ANO10: variants seen among roughly 807,000 people sequenced by gnomAD.
ANO10 encodes the protein anoctamin-10.
Under a neutral mutation model 74.7 loss-of-function variants are expected in ANO10, and 77 were observed. The ratio of observed to expected loss-of-function variants is 1.03; its 90% CI spans 0.86 to 1.25. ANO10 has a LOEUF of 1.25. ANO10 is among the 50% of genes most tolerant of loss of function. ANO10 has a pLI of 0.00. For missense variants in ANO10, 721 were observed against 778.1 expected (o/e 0.93, Z 0.87); for synonymous variants, 279 against 284.9 (o/e 0.98, Z 0.21).
intron 7 of ANO10, among the ~76,000 whole-genome samples, chr3:43,566,776 C>T (rs935790000): frequency 1.5e-4 from 23 of 152,322 alleles, no homozygotes; most frequent in Middle Eastern, 6.8e-3. Flanking sequence ...AAAAGCAGAG[C>T]GCCTCTCCTC....
chr3:43,514,116 T>C (rs2077617997), intron 11 of ANO10, among the ~76,000 whole-genome samples: 1 of 151,566 alleles, frequency 6.6e-6, no homozygotes, highest in South Asian at 2.1e-4. Flanking sequence ...AACACATAAA[T>C]AGCAATATGA....
At chr3:43,656,223 T>G (rs988690973) in intron 1 of ANO10, among the ~76,000 whole-genome samples, 3 of 151,972 alleles carry the variant, frequency 2.0e-5, no homozygotes, top group Non-Finnish European at 4.4e-5. Flanking sequence ...TCACAAACCC[T>G]GAGCTAGACA....
At chr3:43,609,723 G>A (rs1405303867) in intron 1 of ANO10, among the ~76,000 whole-genome samples, 1 of 152,176 alleles carries the variant, frequency 6.6e-6, no homozygotes, top group African/African-American at 2.4e-5. Flanking sequence ...AACCTATACA[G>A]CATGTTACTG....
chr3:43,482,411 A>C (rs1435152965), intron 11 of ANO10, among the ~76,000 whole-genome samples: 4 of 151,830 alleles, frequency 2.6e-5, no homozygotes, highest in Non-Finnish European at 4.4e-5. Flanking sequence ...GCCTTTAGAG[A>C]ACCATGGGAT....
intron 10 of ANO10, 70 bp downstream of exon 10, chr3:43,555,208 T>C: frequency 6.7e-7 from 1 of 1,490,008 alleles, no homozygotes; most frequent in Non-Finnish European, 9.3e-7. Flanking sequence ...TACTTTTTAA[T>C]TTTTTTTCCC....
chr3:43,570,464 T>A (rs113283980), intron 7 of ANO10, among the ~76,000 whole-genome samples: 5 of 151,710 alleles, frequency 3.3e-5, no homozygotes, highest in African/African-American at 1.2e-4. Context: ...CAAAACAGCA[T>A]GGTACTGGTA....
At chr3:43,384,387 C>T (rs1442023726) in intron 12 of ANO10, among the ~76,000 whole-genome samples, 1 of 152,098 alleles carries the variant, frequency 6.6e-6, no homozygotes, top group Non-Finnish European at 1.5e-5. Context: ...CAATTTCCAT[C>T]AAAATAGTAC....
At chr3:43,491,460 G>C (rs1370096101) in intron 11 of ANO10, among the ~76,000 whole-genome samples, 1 of 152,154 alleles carries the variant, frequency 6.6e-6, no homozygotes, top group Non-Finnish European at 1.5e-5. Context: ...GCTGCAGTGA[G>C]CCAAGATTGC....
chr3:43,433,441 T>A (rs1433700440), intron 11 of ANO10, among the ~76,000 whole-genome samples: 1 of 152,208 alleles, frequency 6.6e-6, no homozygotes, highest in Non-Finnish European at 1.5e-5. Context: ...TTGAGTTACA[T>A]GAAACGTACA....
chr3:43,623,391 A>G (rs1477396411), upstream of ANO10, among the ~76,000 whole-genome samples: 1 of 152,228 alleles, frequency 6.6e-6, no homozygotes, highest in Non-Finnish European at 1.5e-5. Context: ...AGGAAAAAAC[A>G]TAGTATACAT....
intron 11 of ANO10, among the ~76,000 whole-genome samples, chr3:43,447,809 G>T (rs2093270474): frequency 6.6e-6 from 1 of 152,098 alleles, no homozygotes; most frequent in African/African-American, 2.4e-5. Flanking sequence ...TCTAACATTT[G>T]TATTGTTCAT....
intron 11 of ANO10, among the ~76,000 whole-genome samples, chr3:43,481,484 A>C (rs2149086867): frequency 6.6e-6 from 1 of 152,238 alleles, no homozygotes; most frequent in East Asian, 1.9e-4. Flanking sequence ...TAACCTGAAA[A>C]ACTAGTTCAG....
intron 8 of ANO10, among the ~76,000 whole-genome samples, chr3:43,564,747 AAG>A (rs1464434387): frequency 2.0e-5 from 3 of 152,214 alleles, no homozygotes; most frequent in African/African-American, 7.2e-5. Context: ...CAAAGCTATC[AAG>A]AGAGCTGGTT....
At chr3:43,531,103 C>T (rs2078447785) in intron 11 of ANO10, among the ~76,000 whole-genome samples, 1 of 152,036 alleles carries the variant, frequency 6.6e-6, no homozygotes. Flanking sequence ...GGCAAAAAGA[C>T]AAAAAATAAG....
intron 11 of ANO10, among the ~76,000 whole-genome samples, chr3:43,548,918 T>G (rs370727496): frequency 6.6e-6 from 1 of 152,314 alleles, no homozygotes; most frequent in Non-Finnish European, 1.5e-5. Context: ...CATGTGAAAT[T>G]ATCTATCGTC....
chr3:43,560,119 G>A (rs186170461), intron 9 of ANO10, among the ~76,000 whole-genome samples: 29 of 152,256 alleles, frequency 1.9e-4, no homozygotes, highest in Non-Finnish European at 3.4e-4. Flanking sequence ...CAGGGGTTGG[G>A]ACAATGCTCC....
intron 12 of ANO10, among the ~76,000 whole-genome samples, chr3:43,393,842 G>GTC (rs1294923131): frequency 1.3e-5 from 2 of 151,868 alleles, no homozygotes; most frequent in Admixed American, 1.3e-4. Context: ...AGAGACTTTG[G>GTC]TCTCTCTCTC....
At chr3:43,637,785 T>G (rs2083629913) in intron 1 of ANO10, 1 of 152,050 alleles carries the variant, frequency 6.6e-6, no homozygotes, top group South Asian at 2.1e-4. Flanking sequence ...ATCTTTTGTC[T>G]TAAAGAAAAC....
intron 12 of ANO10, among the ~76,000 whole-genome samples, chr3:43,388,267 G>A (rs1031132765): frequency 6.6e-6 from 1 of 152,026 alleles, no homozygotes; most frequent in Non-Finnish European, 1.5e-5. Context: ...TGTGTGTGTC[G>A]GCATTGGTGG....
Sources: allele counts gnomAD v4.1 joint callset (sites outside exome capture counted in the v4.1 genomes callset), GRCh38; gene constraint gnomAD v4.1.1; transcripts MANE v1.5; gene names NCBI Gene and HGNC (gene_info 2026-07-23, HGNC 2026-07-21).